Variants in ANKRD36 observed in about 807,000 individuals in gnomAD.
ANKRD36 encodes ankyrin repeat domain-containing protein 36A.
A neutral mutation model predicts 278.1 loss-of-function variants in ANKRD36; 179 were observed. The observed-to-expected ratio is 0.64, with a 90% CI of 0.57 to 0.73. The LOEUF (loss-of-function observed/expected upper bound fraction) is 0.73, where lower values mean the gene tolerates loss of function less well. ANKRD36 is among the 30% of genes least tolerant of loss of function. ANKRD36 has a pLI of 0.00. For missense variants in ANKRD36, 1,159 were observed against 1,956.7 expected, an observed-to-expected ratio of 0.59 and a Z score of 7.69; for synonymous variants, 320 against 641.1, an observed-to-expected ratio of 0.50 and a Z score of 7.57.
In ANKRD36 at chr2:97,230,274, C is replaced by G. The variant is rs551961693; in HGVS notation, c.3952-3456C>G. On this transcript the variant is annotated intron_variant, in intron 67 of 75. Transcript: ENST00000420699. ...ATTCTCCCCGTGACTTTCAGGTACA[C>G]CAATCAGATGTAGATTTGGTCTTTT... is the stretch of plus-strand genomic sequence containing the variant. 2.1e-4 allele frequency among the ~76,000 whole-genome samples: 32 copies of G among 152,190 alleles called. 1 individual carries two copies. In the South Asian group the frequency reaches 6.1e-3, roughly 29 times the overall value.
At chr2:97,226,020 T>A (rs1452373658) in intron 67 of ANKRD36, among the ~76,000 whole-genome samples, 3 of 151,890 alleles carry the variant, frequency 2.0e-5, no homozygotes, top group Admixed American at 1.3e-4. Context: ...TAATCCAGAC[T>A]ATCATTGTTG....
chr2:97,199,057 C>A (rs1449679481), intron 44 of ANKRD36, among the ~76,000 whole-genome samples: 1 of 151,898 alleles, frequency 6.6e-6, no homozygotes, highest in East Asian at 1.9e-4. Context: ...AACCCGTAGA[C>A]ACTGTAGGAG....
At chr2:97,225,627 A>G (rs528891670) in intron 67 of ANKRD36, among the ~76,000 whole-genome samples, 1 of 152,134 alleles carries the variant, frequency 6.6e-6, no homozygotes, top group Non-Finnish European at 1.5e-5. Flanking sequence ...TTCTTTTTTT[A>G]TTTTATTATT....
chr2:97,197,165 A>G (rs1440431799), intron 42 of ANKRD36, among the ~76,000 whole-genome samples: 1 of 151,866 alleles, frequency 6.6e-6, no homozygotes, highest in Non-Finnish European at 1.5e-5. Context: ...CAGACAGAAA[A>G]CTTGTTGTAA....
At chr2:97,132,751 C>T (rs1238527112) in intron 6 of ANKRD36, among the ~76,000 whole-genome samples, 3 of 152,030 alleles carry the variant, frequency 2.0e-5, no homozygotes, top group Non-Finnish European at 4.4e-5. Flanking sequence ...GTAAAATTGA[C>T]TCAGGGCAAA....
rs116879386 is a variant in ANKRD36, at chr2:97,192,042, T to C, written c.2348-816T>C. Among the ~76,000 whole-genome samples the C allele has an allele frequency of 3.7e-3, 564 of 151,864 alleles. 3 individuals are homozygous for C. The East Asian group carries it at 0.057, about 15-fold the overall frequency. On this transcript the variant is annotated intron_variant, in intron 36 of 75. Transcript: ENST00000420699. Reference sequence around the variant, plus strand: ...AAATAAAAATTATGTTGGATTCTAATTAAGTCCTAGAGTGATCATTTTCAA... The same window carrying C: ...AAATAAAAATTATGTTGGATTCTAACTAAGTCCTAGAGTGATCATTTTCAA...
In ANKRD36 at chr2:97,124,598, G is replaced by C; in HGVS notation, c.731+1G>C. The C allele has an allele frequency of 1.9e-6, 3 of 1,547,730 alleles. No individual in the cohort carries two copies. Among genetic ancestry groups the C allele is most frequent in the Non-Finnish European group, 2.6e-6 (3 of 1,145,702 alleles). On this transcript the variant is annotated splice_donor_variant, in intron 5 of 75. Coordinates refer to ENST00000420699, the MANE Select transcript of ANKRD36 (RefSeq NM_001354587.1). LOFTEE classifies it high-confidence loss of function. ...ATGCCATTGAGGCTAAGAATAGAGT[G>C]TAAGTCTTTACATAAAAAGGCTAGT...
intron 66 of ANKRD36, among the ~76,000 whole-genome samples, chr2:97,220,735 T>A (rs1558888725): frequency 2.1e-5 from 3 of 145,802 alleles, no homozygotes; most frequent in Non-Finnish European, 4.5e-5. Context: ...CTTGCTTTTT[T>A]TTTTTTTTTT....
Position 97,213,577 on chromosome 2 carries a change from A to G in ANKRD36, c.3534A>G (p.Ile1178Met). The G allele has an allele frequency of 1.6e-6, 1 of 636,034 alleles. No individual in the cohort carries two copies. 39.4% of individuals were successfully genotyped at this position (636,034 alleles called of 1,614,324 possible). A position where few individuals can be genotyped will look rare whatever the true frequency, so the allele number is the denominator to read the frequency against. The change falls in exon 60 of 76, where the codon ATA becomes ATG. Residue 1178 changes from isoleucine to methionine, a missense_variant. Transcript: ENST00000420699. ...TSDKKDSVSN[I>M]PTEIKDGQQS... is the part of the protein sequence containing the mutation. ...ACAAGAAAGATTCTGTTTCGAATAT[A>G]CCCACAGAAATAAAGGATGGACAAC...
intron 34 of ANKRD36, among the ~76,000 whole-genome samples, chr2:97,190,010 A>G (rs2058158878): frequency 1.2e-5 from 1 of 85,198 alleles, no homozygotes; most frequent in East Asian, 2.3e-4. Flanking sequence ...TACTTATAAA[A>G]ATGAGATAAA....
At chr2:97,164,142 G>C (rs1482797121) in intron 18 of ANKRD36, 141 bp from the exon 19 acceptor site, 5 of 1,479,538 alleles carry the variant, frequency 3.4e-6, no homozygotes, top group African/African-American at 1.4e-5. Flanking sequence ...ACCAAAACAA[G>C]AGCAAAGCAA....
intron 6 of ANKRD36, among the ~76,000 whole-genome samples, chr2:97,137,313 C>A (rs1256696953): frequency 3.3e-5 from 5 of 150,822 alleles, no homozygotes; most frequent in African/African-American, 1.2e-4. Flanking sequence ...CACTCAGCTA[C>A]TTTTTTTTTG....
At chr2:97,180,998 A>G (rs969950176) in intron 24 of ANKRD36, among the ~76,000 whole-genome samples, 1 of 151,756 alleles carries the variant, frequency 6.6e-6, no homozygotes, top group Admixed American at 6.6e-5. Context: ...TAGTGGATAC[A>G]AGAATCTTAG....
Position 97,181,768 on chromosome 2 carries a change from A to G in ANKRD36, c.1812A>G (p.Ile604Met). ...CTGTTTCAAATATAGCCACAGAAAT[A>G]AAGAAGGGACAACAATCTGGGACAG... Reference protein sequence around the residue: ...KDSVSNIATEIKKGQQSGTVS... With the variant: ...KDSVSNIATEMKKGQQSGTVS... The change falls in exon 26 of 76, where the codon ATA becomes ATG. Residue 604 changes from isoleucine to methionine, a missense_variant. By Grantham distance (10) the Ile-to-Met change is conservative. Transcript: ENST00000420699. 6.2e-7 allele frequency: 1 copy of G among 1,609,610 alleles called. No homozygotes were observed. The highest frequency in any genetic ancestry group is 8.5e-7 in the Non-Finnish European group (1 of 1,178,182).
intron 42 of ANKRD36, among the ~76,000 whole-genome samples, chr2:97,197,526 A>G (rs1195836042): frequency 2.0e-5 from 3 of 151,876 alleles, no homozygotes; most frequent in Non-Finnish European, 2.9e-5. Context: ...TGAATACATT[A>G]GTTTCCTTGT....
At chr2:97,192,799 G>A (rs1368946680) in intron 36 of ANKRD36, 59 bp from the exon 37 acceptor site, 2 of 1,546,754 alleles carry the variant, frequency 1.3e-6, no homozygotes, top group Non-Finnish European at 1.8e-6. Context: ...CTTCATGAAT[G>A]TATGGATAAC....
intron 15 of ANKRD36, among the ~76,000 whole-genome samples, chr2:97,157,130 C>CCTCTCTCTCTCT (rs564270958): frequency 7.0e-4 from 47 of 67,256 alleles, no homozygotes; most frequent in African/African-American, 1.4e-3. Context: ...GTTTTTTTTT[C>CCTCTCTCTCTCT]CTCTCTCTCT....
chr2:97,190,337 C>G (rs111681935), intron 34 of ANKRD36, among the ~76,000 whole-genome samples: 1 of 82,874 alleles, frequency 1.2e-5, no homozygotes, highest in African/African-American at 2.7e-5. Context: ...GATGAAGAAA[C>G]TTTCGGAGGG....
At chr2:97,209,104 G>C (rs1183775525) in intron 54 of ANKRD36, among the ~76,000 whole-genome samples, 1 of 146,548 alleles carries the variant, frequency 6.8e-6, no homozygotes, top group Non-Finnish European at 1.5e-5. Flanking sequence ...ACATGGGTGT[G>C]AAAGATAATG....
Sources: allele counts gnomAD v4.1 joint callset (sites outside exome capture counted in the v4.1 genomes callset), GRCh38; gene constraint gnomAD v4.1.1; transcripts MANE v1.5; gene names NCBI Gene and HGNC (gene_info 2026-07-23, HGNC 2026-07-21).